AK9: variants seen among roughly 807,000 people sequenced by gnomAD.
AK9 encodes adenylate kinase domain containing 1.
AK9 carries 191 observed loss-of-function variants against 239.6 expected under a neutral mutation model. The ratio of observed to expected loss-of-function variants is 0.80; its 90% CI spans 0.71 to 0.90. The LOEUF is 0.90. AK9 is among the 40% of genes least tolerant of loss of function. The pLI, the probability that AK9 is intolerant of heterozygous loss-of-function variation, is 0.00. For synonymous variants in AK9, 689 were observed against 721.0 expected (o/e 0.96, Z 0.71); for missense variants, 1,995 against 2,214.7 (o/e 0.90, Z 1.99).
chr6:109,554,657 G>A (rs1784767281), intron 24 of AK9, among the ~76,000 whole-genome samples: 1 of 150,278 alleles, frequency 6.7e-6, no homozygotes, highest in Admixed American at 6.7e-5. Context: ...TCAGCCTCTC[G>A]AGTAGCTGGG....
intron 2 of AK9, among the ~76,000 whole-genome samples, 162 bp downstream of exon 2, chr6:109,675,467 A>G (rs7765916): frequency 0.086 from 13,029 of 152,224 alleles, 905 homozygotes; most frequent in African/African-American, 0.19. Context: ...ATAGTTATGA[A>G]TTTATAACCA....
At chr6:109,543,708 A>T (rs560588216) in intron 26 of AK9, among the ~76,000 whole-genome samples, 6 of 152,074 alleles carry the variant, frequency 3.9e-5, no homozygotes, top group Non-Finnish European at 8.8e-5. Context: ...TCCACCTCCC[A>T]AAGTGCTGGG....
At chr6:109,656,953 C>T (rs1219057524) in intron 7 of AK9, 69 bp from the exon 8 acceptor site, 1 of 1,545,622 alleles carries the variant, frequency 6.5e-7, no homozygotes, top group Non-Finnish European at 8.9e-7. Flanking sequence ...GCCATATTCC[C>T]CACTCCTTAC....
At chr6:109,531,236 G>C (rs1781206330) in intron 28 of AK9, among the ~76,000 whole-genome samples, 1 of 152,234 alleles carries the variant, frequency 6.6e-6, no homozygotes, top group Non-Finnish European at 1.5e-5. Flanking sequence ...AATTCGTGTG[G>C]AGGTAGTCAG....
intron 17 of AK9, among the ~76,000 whole-genome samples, chr6:109,607,903 A>G (rs13205254): frequency 0.063 from 9,613 of 152,024 alleles, 408 homozygotes; most frequent in Non-Finnish European, 0.093. Context: ...AACATAACAT[A>G]TGATACAGAG....
intron 1 of AK9, among the ~76,000 whole-genome samples, chr6:109,678,462 T>C (rs1469464114): frequency 6.6e-6 from 1 of 152,188 alleles, no homozygotes; most frequent in Non-Finnish European, 1.5e-5. Flanking sequence ...ACATATGGAA[T>C]GGAAACGTTC....
At chr6:109,568,774 A>C (rs148917555) in intron 21 of AK9, among the ~76,000 whole-genome samples, 3 of 152,318 alleles carry the variant, frequency 2.0e-5, no homozygotes, top group Non-Finnish European at 2.9e-5. Flanking sequence ...TCAATGAAAT[A>C]AAAGGGGATT....
intron 29 of AK9, among the ~76,000 whole-genome samples, chr6:109,526,040 A>G (rs1356044688): frequency 6.6e-6 from 1 of 152,234 alleles, no homozygotes; most frequent in African/African-American, 2.4e-5. Flanking sequence ...ACAGGAACAG[A>G]AAACCAACTA....
intron 38 of AK9, 137 bp downstream of exon 38, chr6:109,497,328 A>T (rs566762264): frequency 1.4e-5 from 4 of 281,576 alleles, no homozygotes; most frequent in South Asian, 3.1e-5. Flanking sequence ...GTGCTTGTTC[A>T]CACACACACA....
At chr6:109,672,047 GTATAATA>G (rs879754906) in intron 4 of AK9, 32 bp from the exon 5 acceptor site, 7 of 1,610,438 alleles carry the variant, frequency 4.3e-6, no homozygotes, top group Non-Finnish European at 5.9e-6. Context: ...GTACATTACT[GTATAATA>G]TATCTATGAT....
Position 109,509,242 on chromosome 6 carries a change from G to A in AK9, c.4418C>T (p.Pro1473Leu), listed in dbSNP as rs1778431300. The A allele has an allele frequency of 6.4e-7, 1 of 1,551,984 alleles. No homozygotes were observed. Among genetic ancestry groups the A allele is most frequent in the Non-Finnish European group, 8.7e-7 (1 of 1,147,074 alleles). The change falls in exon 33 of 41, where the codon CCT becomes CTT. Residue 1473 changes from proline to leucine, a missense_variant. By Grantham distance (98) the Pro-to-Leu change is moderately conservative. This residue lies in a region of AK9 where 45 missense variants were observed against 80.5 expected (regional missense o/e 0.56). Coordinates refer to ENST00000424296, the MANE Select transcript of AK9 (RefSeq NM_001145128.3). ...TAAGGCTTGAATAGCCAGTTCATCA[G>A]GTGCTGTCATTCCTTTATGAAGATG... ...NWHLHKGMTA[P>L]DELAIQALEL...
At chr6:109,592,848 G>A (rs1790472449) in intron 17 of AK9, among the ~76,000 whole-genome samples, 2 of 151,924 alleles carry the variant, frequency 1.3e-5, no homozygotes, top group South Asian at 4.1e-4. Context: ...ATGCCTTGGT[G>A]AGGTACTTCT....
At chr6:109,512,512 C>G (rs1401758412) in intron 32 of AK9, among the ~76,000 whole-genome samples, 1 of 152,098 alleles carries the variant, frequency 6.6e-6, no homozygotes, top group Non-Finnish European at 1.5e-5. Context: ...TGGTTCTGGA[C>G]CCCTTTCCTG....
intron 27 of AK9, among the ~76,000 whole-genome samples, chr6:109,534,012 T>G (rs1781622647): frequency 6.6e-6 from 1 of 152,066 alleles, no homozygotes; most frequent in East Asian, 1.9e-4. Flanking sequence ...CTTCTAACAG[T>G]GCTTCCTTTC....
Position 109,659,297 on chromosome 6 carries a change from C to T in AK9, c.561G>A (p.Lys187=). Residue 187 remains lysine (K), a synonymous_variant, in exon 7 of 41, where the codon AAG becomes AAA. Coordinates refer to ENST00000424296, the MANE Select transcript of AK9 (RefSeq NM_001145128.3). The part of the protein sequence containing the change: ...DPEVIENHRK[K]KKEAQKDGKG... Reference sequence around the variant, plus strand: ...TTCCGTCCTTTTGGGCTTCTTTCTTCTTTTTCCTATGATTCTCAATGACTT... The same window carrying T: ...TTCCGTCCTTTTGGGCTTCTTTCTTTTTTTTCCTATGATTCTCAATGACTT... 1 of 1,605,594 alleles carries T rather than the reference C, an allele frequency of 6.2e-7. No homozygotes were observed. The highest frequency in any genetic ancestry group is 8.5e-7 in the Non-Finnish European group (1 of 1,177,718).
At position 109,586,092 on chromosome 6, in the gene AK9, G is replaced by A; in HGVS notation, c.1843-20C>T. The A allele has an allele frequency of 6.5e-7, 1 of 1,541,794 alleles. No homozygotes were observed. Among genetic ancestry groups the A allele is most frequent in the Non-Finnish European group, 8.8e-7 (1 of 1,142,756 alleles). Reference sequence around the variant, plus strand: ...CATTACCTGTGAAAAATTGTACACTGATATTACTATCATAGCTTGACAAGT... The same window carrying A: ...CATTACCTGTGAAAAATTGTACACTAATATTACTATCATAGCTTGACAAGT... On this transcript the variant is annotated intron_variant, in intron 17 of 40. Transcript: ENST00000424296.
chr6:109,572,588 A>C (rs1311664010), intron 21 of AK9, among the ~76,000 whole-genome samples: 1 of 152,170 alleles, frequency 6.6e-6, no homozygotes, highest in African/African-American at 2.4e-5. Flanking sequence ...CATAATACTT[A>C]ATATACTTGT....
intron 27 of AK9, among the ~76,000 whole-genome samples, chr6:109,539,010 C>T (rs986179304): frequency 1.2e-4 from 18 of 152,136 alleles, no homozygotes; most frequent in African/African-American, 3.9e-4. Flanking sequence ...TTGGTTAACC[C>T]GACCTTTCTC....
intron 25 of AK9, 32 bp from the exon 26 acceptor site, chr6:109,546,159 G>GC: frequency 7.2e-6 from 6 of 833,712 alleles, no homozygotes; most frequent in Middle Eastern, 4.6e-4. Context: ...GGAGGGGTGG[G>GC]ATAAAGGGAG....
Sources: allele counts gnomAD v4.1 joint callset (sites outside exome capture counted in the v4.1 genomes callset), GRCh38; gene constraint gnomAD v4.1.1; regional missense constraint gnomAD v4.1.1; transcripts MANE v1.5; gene names NCBI Gene and HGNC (gene_info 2026-07-23, HGNC 2026-07-21).